Variants in GDA observed in about 807,000 individuals in gnomAD.
The protein encoded by GDA is guanine deaminase.
In GDA, 18 loss-of-function variants were observed where a neutral mutation model predicts 59.6. The ratio of observed to expected loss-of-function variants is 0.30; its 90% confidence interval spans 0.21 to 0.45. The LOEUF is 0.45. Ranked by LOEUF, GDA falls within the 20% of genes least tolerant of loss-of-function variation. The pLI is 1.00. For synonymous variants in GDA, 201 were observed against 201.1 expected (o/e 1.00, Z 0.00); for missense variants, 427 against 552.3 (o/e 0.77, Z 2.27).
chr9:72,214,023 C>T (rs1433120183), intron 5 of GDA, 32 bp downstream of exon 5: 3 of 1,181,360 alleles, frequency 2.5e-6, no homozygotes, highest in Middle Eastern at 1.9e-4. Flanking sequence ...ATTTGTCTTA[C>T]AGGTGAATTC....
Position 72,213,876 on chromosome 9 carries a change from T to C in GDA, c.473-10T>C, listed in dbSNP as rs1406032464. On this transcript the variant is annotated splice_polypyrimidine_tract_variant and intron_variant, in intron 4 of 13. Coordinates refer to ENST00000358399, the MANE Select transcript of GDA (RefSeq NM_004293.5). ...CATGCCTTCATATTCTTTTTGTGTATACTTTACAGATAAATTTGGACAGCG... is the reference window on the plus strand; with the variant it reads ...CATGCCTTCATATTCTTTTTGTGTACACTTTACAGATAAATTTGGACAGCG... The C allele has an allele frequency of 6.1e-5, 90 of 1,468,196 alleles. No individual in the cohort carries two copies. Among genetic ancestry groups the C allele is most frequent in the Non-Finnish European group, 8.5e-5 (89 of 1,047,074 alleles). The allele number at this position is 1,468,196 out of a possible 1,614,324, so 90.9% of individuals were successfully genotyped here.
Position 72,141,456 on chromosome 9 carries a change from AT to A in GDA, c.-100+26632del, listed in dbSNP as rs199896217. Among the ~76,000 whole-genome samples, 704 of 151,858 alleles carry A rather than the reference AT, an allele frequency of 4.6e-3. 4 individuals carry two copies. The highest frequency in any genetic ancestry group is 0.015 in the African/African-American group (637 of 41,398). On this transcript the variant is annotated intron_variant, in intron 1 of 13. Transcript: ENST00000545168. Reference sequence around the variant, plus strand: ...AATAATATTGTGAGAATTCCTTAGAATTTTTTTTTCCTTAAAATCATTGTTA... The same window carrying A: ...AATAATATTGTGAGAATTCCTTAGAATTTTTTTTCCTTAAAATCATTGTTA...
At chr9:72,179,562 G>A (rs1830931457) in intron 1 of GDA, among the ~76,000 whole-genome samples, 1 of 152,174 alleles carries the variant, frequency 6.6e-6, no homozygotes, top group African/African-American at 2.4e-5. Flanking sequence ...AAGAAAAAGG[G>A]AGTTTCTGCA....
chr9:72,168,545 C>T (rs1045521935), intron 1 of GDA, among the ~76,000 whole-genome samples: 4 of 151,984 alleles, frequency 2.6e-5, no homozygotes, highest in Admixed American at 1.3e-4. Flanking sequence ...CAGGCATGCA[C>T]CACCATGCCC....
chr9:72,145,563 G>C (rs1826596877), upstream of GDA, among the ~76,000 whole-genome samples: 1 of 152,148 alleles, frequency 6.6e-6, no homozygotes. Flanking sequence ...CTAAGCTACA[G>C]GTATAATTAC....
chr9:72,245,540 C>G (rs569651340), intron 12 of GDA, among the ~76,000 whole-genome samples: 9 of 152,140 alleles, frequency 5.9e-5, no homozygotes, highest in Non-Finnish European at 1.3e-4. Flanking sequence ...AACTAGCACT[C>G]ATTGAACACT....
upstream of GDA, among the ~76,000 whole-genome samples, chr9:72,146,117 A>G (rs1451551652): frequency 3.9e-5 from 5 of 128,390 alleles, no homozygotes; most frequent in Non-Finnish European, 6.3e-5. Flanking sequence ...ATGTAAAGAT[A>G]TCCTGGATAA....
At chr9:72,176,893 A>C (rs1321399482) in intron 1 of GDA, among the ~76,000 whole-genome samples, 1 of 152,028 alleles carries the variant, frequency 6.6e-6, no homozygotes, top group Non-Finnish European at 1.5e-5. Flanking sequence ...CCTTGTGAAA[A>C]CATTCTGATT....
At chr9:72,161,094 G>A (rs1828575898) in intron 1 of GDA, among the ~76,000 whole-genome samples, 2 of 150,132 alleles carry the variant, frequency 1.3e-5, no homozygotes, top group South Asian at 4.2e-4. Flanking sequence ...TTTTAGTAGA[G>A]ACAGGATTTC....
chr9:72,244,415 A>T (rs535322899), intron 11 of GDA, among the ~76,000 whole-genome samples: 59 of 152,312 alleles, frequency 3.9e-4, no homozygotes, highest in African/African-American at 1.4e-3. Flanking sequence ...CATGAATTGT[A>T]GCTATGAGAT....
chr9:72,134,052 C>T (rs775757222), intron 1 of GDA, among the ~76,000 whole-genome samples: 4 of 152,044 alleles, frequency 2.6e-5, no homozygotes, highest in Non-Finnish European at 4.4e-5. Flanking sequence ...ATTGGTGGGA[C>T]AAACATCGGG....
intron 1 of GDA, among the ~76,000 whole-genome samples, chr9:72,144,325 T>G (rs979758667): frequency 1.3e-4 from 20 of 152,246 alleles, no homozygotes; most frequent in African/African-American, 4.8e-4. Flanking sequence ...AATTGTTAAG[T>G]GCCTTGTATT....
chr9:72,160,365 C>A (rs546887480), intron 1 of GDA, among the ~76,000 whole-genome samples: 1 of 152,266 alleles, frequency 6.6e-6, no homozygotes, highest in East Asian at 1.9e-4. Context: ...AAGGGAAACT[C>A]ATTGCCCATT....
intron 4 of GDA, among the ~76,000 whole-genome samples, chr9:72,211,289 G>T (rs1000493738): frequency 6.6e-6 from 1 of 152,178 alleles, no homozygotes; most frequent in African/African-American, 2.4e-5. Context: ...GTTACTAGAC[G>T]TCTAGCATTG....
intron 1 of GDA, 134 bp downstream of exon 1, chr9:72,149,816 CTT>C: frequency 1.1e-6 from 1 of 917,120 alleles, no homozygotes; most frequent in South Asian, 1.9e-5. Flanking sequence ...GAACTTGAGT[CTT>C]TGGCTCTTGG....
At position 72,252,220 on chromosome 9, in the gene GDA, C is replaced by T. The variant is rs1013208480; in HGVS notation, c.*3878C>T. ...AAAAATAAATGAGACTTTGTGTTTA[C>T]GTTATTTTTTGTTGTGAGTTCTCTC... On this transcript the variant is annotated 3_prime_UTR_variant, in exon 14 of 14. Transcript: ENST00000358399. The T allele has an allele frequency of 1.3e-5, 2 of 152,448 alleles. No homozygotes were observed. Among genetic ancestry groups the T allele is most frequent in the East Asian group, 3.8e-4 (2 of 5,198 alleles). The allele number at this position is 152,448 out of a possible 1,614,324, so 9.4% of individuals were successfully genotyped here. A position where few individuals can be genotyped will look rare whatever the true frequency, so the allele number is the denominator to read the frequency against.
intron 1 of GDA, among the ~76,000 whole-genome samples, chr9:72,183,734 G>A (rs1427127556): frequency 6.6e-6 from 1 of 152,144 alleles, no homozygotes; most frequent in East Asian, 1.9e-4. Context: ...GTTTAAACAA[G>A]TTAACACATG....
At chr9:72,259,866 C>A (rs1288798206), downstream of GDA, among the ~76,000 whole-genome samples, 1 of 152,146 alleles carries the variant, frequency 6.6e-6, no homozygotes, top group African/African-American at 2.4e-5. Context: ...AATATTTGAA[C>A]AGGTTCAAGT....
upstream of GDA, among the ~76,000 whole-genome samples, chr9:72,144,475 T>C (rs151278110): frequency 4.9e-3 from 749 of 152,354 alleles, 8 homozygotes; most frequent in African/African-American, 0.017. Flanking sequence ...AATATATTAG[T>C]TCCATATAGG....
Sources: allele counts gnomAD v4.1 joint callset (sites outside exome capture counted in the v4.1 genomes callset), GRCh38; gene constraint gnomAD v4.1.1; transcripts MANE v1.5; gene names NCBI Gene and HGNC (gene_info 2026-07-23, HGNC 2026-07-21).